The following PRKCH variants were observed in gnomAD, a reference collection of about 807,000 sequenced individuals.
PRKCH encodes protein kinase C eta, also known as protein kinase C eta type.
In PRKCH, 28 loss-of-function variants were observed where a neutral mutation model predicts 82.5. The ratio of observed to expected loss-of-function variants is 0.34; its 90% confidence interval spans 0.25 to 0.47. The LOEUF (loss-of-function observed/expected upper bound fraction) is 0.47. PRKCH is among the 20% of genes least tolerant of loss of function. PRKCH has a pLI of 1.00. For missense variants in PRKCH, 705 were observed against 881.8 expected (o/e 0.80, Z 2.54); for synonymous variants, 322 against 327.4 (o/e 0.98, Z 0.18).
chr14:61,320,695 A>G (rs867548298), upstream of PRKCH, among the ~76,000 whole-genome samples: 1 of 152,364 alleles, frequency 6.6e-6, no homozygotes, highest in South Asian at 2.1e-4. Flanking sequence ...TTTGCGGCAT[A>G]GCAGCGTAGG....
chr14:61,277,409 G>A (rs2045213273), intron 1 of PRKCH: 1 of 152,040 alleles, frequency 6.6e-6, no homozygotes, highest in African/African-American at 2.4e-5. Context: ...TTAGGTCAAA[G>A]CTCATTTCCA....
intron 9 of PRKCH, among the ~76,000 whole-genome samples, chr14:61,475,301 C>T (rs1566903256): frequency 6.6e-6 from 1 of 152,166 alleles, no homozygotes; most frequent in Non-Finnish European, 1.5e-5. Flanking sequence ...TGTTAAGTTG[C>T]TAAACCTTTT....
intron 6 of PRKCH, among the ~76,000 whole-genome samples, chr14:61,451,702 T>A (rs1465925137): frequency 6.6e-6 from 1 of 152,194 alleles, no homozygotes; most frequent in African/African-American, 2.4e-5. Flanking sequence ...AATGTAATGA[T>A]CTGACTGCCG....
At chr14:61,463,507 A>G (rs936262371) in intron 9 of PRKCH, 2 of 152,212 alleles carry the variant, frequency 1.3e-5, no homozygotes, top group Non-Finnish European at 2.9e-5. Flanking sequence ...TACACTGCTT[A>G]CAAGTATATA....
At chr14:61,241,526 C>T (rs1479496078) in intron 1 of PRKCH, among the ~76,000 whole-genome samples, 1 of 152,198 alleles carries the variant, frequency 6.6e-6, no homozygotes, top group Non-Finnish European at 1.5e-5. Flanking sequence ...AACCATCAGC[C>T]AACTCATTAG....
intron 1 of PRKCH, among the ~76,000 whole-genome samples, chr14:61,294,086 G>T (rs2045386779): frequency 6.6e-6 from 1 of 152,096 alleles, no homozygotes; most frequent in African/African-American, 2.4e-5. Context: ...TTAACAGAGA[G>T]ACACTAGTTG....
chr14:61,294,785 C>A (rs2045392626), intron 1 of PRKCH, among the ~76,000 whole-genome samples: 1 of 135,226 alleles, frequency 7.4e-6, no homozygotes, highest in African/African-American at 3.1e-5. Context: ...AGGAGATGCA[C>A]CCCCCGCAAA....
chr14:61,307,928 C>T (rs2045494929), intron 1 of PRKCH, among the ~76,000 whole-genome samples: 2 of 152,324 alleles, frequency 1.3e-5, no homozygotes, highest in South Asian at 4.1e-4. Flanking sequence ...CCTTGAAGTC[C>T]TGAGCCCAAG....
intron 1 of PRKCH, among the ~76,000 whole-genome samples, chr14:61,386,572 G>C (rs1033774739): frequency 1.3e-5 from 2 of 152,144 alleles, no homozygotes; most frequent in African/African-American, 4.8e-5. Flanking sequence ...ACAGGGCTCA[G>C]GAGTGAGAGG....
intron 2 of PRKCH, among the ~76,000 whole-genome samples, chr14:61,425,682 A>G (rs1883068484): frequency 6.6e-6 from 1 of 152,192 alleles, no homozygotes. Flanking sequence ...ACTTTGGTGA[A>G]CTGTTGGGAA....
intron 1 of PRKCH, among the ~76,000 whole-genome samples, chr14:61,285,724 A>C (rs1483456743): frequency 5.3e-5 from 8 of 152,216 alleles, no homozygotes; most frequent in Non-Finnish European, 1.0e-4. Context: ...AAGCCAGTGC[A>C]ATGGAGGCTG....
At chr14:61,203,449 C>CT (rs1566779225) in intron 1 of PRKCH, among the ~76,000 whole-genome samples, 1 of 152,096 alleles carries the variant, frequency 6.6e-6, no homozygotes, top group East Asian at 1.9e-4. Flanking sequence ...GGTGGAGGGG[C>CT]TTGGGGGGTA....
rs114255137 is a variant in PRKCH at position 61,504,091 on chromosome 14, G to A, written c.1433+18435G>A. 2.4e-3 allele frequency among the ~76,000 whole-genome samples: 369 copies of A among 152,254 alleles called. 2 individuals carry two copies. Among genetic ancestry groups the A allele is most frequent in the African/African-American group, 8.3e-3 (346 of 41,510 alleles). On this transcript the variant is annotated intron_variant, in intron 10 of 13. Transcript: ENST00000332981. Reference sequence around the variant, plus strand: ...TTAGATTAACTTACCTGTTGCAGAGGTAGGTCAGACCCCATGTCATCATTT... The same window carrying A: ...TTAGATTAACTTACCTGTTGCAGAGATAGGTCAGACCCCATGTCATCATTT...
At chr14:61,434,352 T>C (rs930739897) in intron 2 of PRKCH, among the ~76,000 whole-genome samples, 6 of 152,214 alleles carry the variant, frequency 3.9e-5, no homozygotes, top group Non-Finnish European at 8.8e-5. Flanking sequence ...AGAAACATTT[T>C]TCTTCATCAT....
intron 10 of PRKCH, among the ~76,000 whole-genome samples, chr14:61,508,822 T>G (rs914392965): frequency 6.6e-6 from 1 of 152,162 alleles, no homozygotes; most frequent in Non-Finnish European, 1.5e-5. Context: ...TTTTGCTAAC[T>G]TTCTTGACTC....
chr14:61,357,199 A>T (rs982255104), intron 1 of PRKCH, among the ~76,000 whole-genome samples: 25 of 152,158 alleles, frequency 1.6e-4, no homozygotes, highest in African/African-American at 6.0e-4. Flanking sequence ...TCCAAGCTAT[A>T]CTGGGCAGGT....
At chr14:61,479,835 G>A (rs1885886991) in intron 9 of PRKCH, among the ~76,000 whole-genome samples, 1 of 152,162 alleles carries the variant, frequency 6.6e-6, no homozygotes, top group Non-Finnish European at 1.5e-5. Flanking sequence ...ATTATCACCA[G>A]GCAGCAGCTC....
chr14:61,237,313 C>T (rs1321143295), intron 1 of PRKCH, among the ~76,000 whole-genome samples: 1 of 151,834 alleles, frequency 6.6e-6, no homozygotes, highest in Non-Finnish European at 1.5e-5. Context: ...GATAGCAGGC[C>T]CTAAAAGAAA....
Position 61,350,970 on chromosome 14 carries a change from C to T in PRKCH, c.363+28506C>T, listed in dbSNP as rs574565839. Among the ~76,000 whole-genome samples, 59 of 152,252 alleles carry T rather than the reference C, an allele frequency of 3.9e-4. 1 individual carries two copies. In the South Asian group the frequency reaches 5.0e-3, roughly 13 times the overall value. ...GCCTCAATCAAGGAAACAAGTAGTT[C>T]GGCTGCTTCCTCTTTATGGCATCCT... On this transcript the variant is annotated intron_variant, in intron 1 of 13. Coordinates refer to ENST00000332981, the MANE Select transcript of PRKCH (RefSeq NM_006255.5).
Sources: allele counts gnomAD v4.1 joint callset (sites outside exome capture counted in the v4.1 genomes callset), GRCh38; gene constraint gnomAD v4.1.1; transcripts MANE v1.5; gene names NCBI Gene and HGNC (gene_info 2026-07-23, HGNC 2026-07-21).